Variants in LRIG1 observed in about 807,000 individuals in gnomAD.
LRIG1 encodes leucine rich repeats and immunoglobulin like domains 1.
A neutral mutation model predicts 99.2 loss-of-function variants in LRIG1; 48 were observed. That is an observed-to-expected ratio of 0.48 (90% CI 0.38 to 0.62). The LOEUF (loss-of-function observed/expected upper bound fraction) is 0.62. Ranked by LOEUF, LRIG1 falls within the 20% of genes least tolerant of loss-of-function variation. The probability of loss-of-function intolerance (pLI) is 0.00; values close to 1 mark genes in which losing one functional copy is unlikely to be tolerated. For missense variants in LRIG1, 1,646 were observed against 1,434.4 expected, an observed-to-expected ratio of 1.15 and a Z score of -2.38; for synonymous variants, 772 against 596.1, an observed-to-expected ratio of 1.29 and a Z score of -4.30.
At chr3:66,397,856 C>T (rs973631452) in intron 11 of LRIG1, among the ~76,000 whole-genome samples, 6 of 152,226 alleles carry the variant, frequency 3.9e-5, no homozygotes, top group Non-Finnish European at 5.9e-5. Context: ...AAGCTTCAGC[C>T]TGCGGCCCGA....
chr3:66,437,859 T>G (rs1703410658), intron 3 of LRIG1, among the ~76,000 whole-genome samples: 1 of 151,818 alleles, frequency 6.6e-6, no homozygotes, highest in Non-Finnish European at 1.5e-5. Flanking sequence ...CAGATCAAGG[T>G]AGCAAAATGA....
intron 2 of LRIG1, among the ~76,000 whole-genome samples, 184 bp downstream of exon 2, chr3:66,462,254 C>G (rs1166175383): frequency 1.3e-5 from 2 of 152,164 alleles, no homozygotes; most frequent in African/African-American, 4.8e-5. Context: ...ACACACCCTT[C>G]AAGAGCCTAC....
At chr3:66,486,962 G>A (rs962027273) in intron 1 of LRIG1, among the ~76,000 whole-genome samples, 5 of 152,042 alleles carry the variant, frequency 3.3e-5, no homozygotes, top group African/African-American at 9.7e-5. Flanking sequence ...AATTCCCTTC[G>A]CCCTCAAAGT....
intron 3 of LRIG1, among the ~76,000 whole-genome samples, chr3:66,449,517 T>A (rs1357673767): frequency 6.6e-6 from 1 of 152,222 alleles, no homozygotes; most frequent in African/African-American, 2.4e-5. Context: ...CCCACTTCTC[T>A]TGGCACTTGG....
At chr3:66,463,140 C>A (rs1382156586) in intron 1 of LRIG1, among the ~76,000 whole-genome samples, 2 of 152,146 alleles carry the variant, frequency 1.3e-5, no homozygotes, top group Admixed American at 1.3e-4. Context: ...CTGCGCGGCC[C>A]TAAATGTCAA....
rs560281221 is a variant in LRIG1, at chr3:66,462,810, G to GGTGTCCTGGTCCAAATGCTTTGCTTA, written c.219-302_219-301insTAAGCAAAGCATTTGGACCAGGACAC. The stretch of plus-strand genomic sequence containing the variant: ...TAAACCAGCTCCCTACCTACATTAA[G>GGTGTCCTGGTCCAAATGCTTTGCTTA]GTGTCCTGGTCCAAATGCTTTGCAC... On this transcript the variant is annotated intron_variant, in intron 1 of 18. Transcript: ENST00000273261. Among the ~76,000 whole-genome samples the GGTGTCCTGGTCCAAATGCTTTGCTTA allele has an allele frequency of 1.3e-4, 20 of 152,224 alleles. 1 individual carries two copies. The East Asian group carries it at 3.9e-3, about 29-fold the overall frequency.
intron 3 of LRIG1, among the ~76,000 whole-genome samples, chr3:66,434,206 C>T (rs1327225892): frequency 6.6e-6 from 1 of 152,106 alleles, no homozygotes; most frequent in East Asian, 1.9e-4. Context: ...AACTGGTATC[C>T]AGAATATATA....
intron 3 of LRIG1, among the ~76,000 whole-genome samples, chr3:66,417,948 G>C (rs1303529405): frequency 6.6e-6 from 1 of 152,038 alleles, no homozygotes; most frequent in Non-Finnish European, 1.5e-5. Context: ...TTGGAAGATG[G>C]GGCCACAACC....
At chr3:66,416,881 C>T (rs1057356458) in intron 4 of LRIG1, among the ~76,000 whole-genome samples, 4 of 152,220 alleles carry the variant, frequency 2.6e-5, no homozygotes, top group Admixed American at 6.5e-5. Flanking sequence ...AGTGCTGAGT[C>T]CTTCCTGCCT....
At chr3:66,488,668 A>G (rs1474149889) in intron 1 of LRIG1, among the ~76,000 whole-genome samples, 1 of 152,112 alleles carries the variant, frequency 6.6e-6, no homozygotes, top group African/African-American at 2.4e-5. Flanking sequence ...TAGGCTGTAC[A>G]TGTTAATTGG....
At chr3:66,391,560 C>G (rs1004243862) in intron 12 of LRIG1, among the ~76,000 whole-genome samples, 6 of 152,070 alleles carry the variant, frequency 3.9e-5, no homozygotes, top group African/African-American at 1.2e-4. Flanking sequence ...ATTAAATGCC[C>G]AGAATAGGCA....
intron 2 of LRIG1, among the ~76,000 whole-genome samples, chr3:66,455,606 T>C (rs547747059): frequency 1.3e-5 from 2 of 152,362 alleles, no homozygotes; most frequent in South Asian, 4.1e-4. Context: ...TTTCTTTGGT[T>C]GCTCCCAAAT....
intron 3 of LRIG1, among the ~76,000 whole-genome samples, chr3:66,439,404 G>A (rs1181871469): frequency 6.6e-6 from 1 of 152,118 alleles, no homozygotes; most frequent in Non-Finnish European, 1.5e-5. Flanking sequence ...CATTTCCAAA[G>A]TTCTACTCTT....
At chr3:66,402,471 A>G (rs1378199717) in intron 9 of LRIG1, among the ~76,000 whole-genome samples, 1 of 152,160 alleles carries the variant, frequency 6.6e-6, no homozygotes, top group Non-Finnish European at 1.5e-5. Flanking sequence ...TCCACCCCAA[A>G]TTCACAGAGA....
chr3:66,406,444 T>C (rs752799171), intron 8 of LRIG1: 8 of 984,606 alleles, frequency 8.1e-6, no homozygotes, highest in East Asian at 1.1e-4. Flanking sequence ...CTGGCCTGAA[T>C]AGCTTGGCTC....
chr3:66,429,701 T>C (rs1456042799), intron 3 of LRIG1, among the ~76,000 whole-genome samples: 5 of 152,034 alleles, frequency 3.3e-5, no homozygotes, highest in Admixed American at 2.0e-4. Context: ...CTATAAACTT[T>C]AGTAATAATG....
intron 1 of LRIG1, among the ~76,000 whole-genome samples, chr3:66,488,569 A>C (rs1701028634): frequency 6.6e-6 from 1 of 152,098 alleles, no homozygotes; most frequent in Non-Finnish European, 1.5e-5. Flanking sequence ...CCAGGAAGGC[A>C]GAGGTTGCAG....
Position 66,380,306 on chromosome 3 carries a change from G to A in LRIG1, c.3239C>T (p.Pro1080Leu). 6.2e-7 allele frequency: 1 copy of A among 1,613,894 alleles called. No homozygotes were observed. Among genetic ancestry groups the A allele is most frequent in the Non-Finnish European group, 8.5e-7 (1 of 1,179,842 alleles). Reference sequence around the variant, plus strand: ...CAGCAGTGGCACCCTCTGTTTCCCGGGGAGCTGTCCTGTCAGTGGCGTGGA... The same window carrying A: ...CAGCAGTGGCACCCTCTGTTTCCCGAGGAGCTGTCCTGTCAGTGGCGTGGA... ...PESTPLTGQL[P>L]GKQRVPLLLA... is the part of the protein sequence containing the mutation. The change falls in exon 19 of 19, where the codon CCC (proline) becomes CTC (leucine). Residue 1080 changes from proline to leucine, a missense_variant. Transcript: ENST00000273261.
At position 66,379,982 on chromosome 3, in the gene LRIG1, AACC is replaced by A; in HGVS notation, c.*278_*280del. ...CAAAATTGTATAATTTTTTTCTGTT[AACC>A]ATGCACTAAAGATTAAAATAGCCTC... On this transcript the variant is annotated 3_prime_UTR_variant, in exon 19 of 19. Coordinates refer to ENST00000273261, the MANE Select transcript of LRIG1 (RefSeq NM_015541.3). 4.1e-6 allele frequency: 1 copy of A among 243,738 alleles called. No individual in the cohort carries two copies. The highest frequency in any genetic ancestry group is 7.9e-6 in the Non-Finnish European group (1 of 127,310). The allele number at this position is 243,738 out of a possible 1,614,324, so 15.1% of individuals were successfully genotyped here.
Sources: allele counts gnomAD v4.1 joint callset (sites outside exome capture counted in the v4.1 genomes callset), GRCh38; gene constraint gnomAD v4.1.1; transcripts MANE v1.5; gene names NCBI Gene and HGNC (gene_info 2026-07-23, HGNC 2026-07-21).